SARDH: variants seen among roughly 807,000 people sequenced by gnomAD.
SARDH encodes sarcosine dehydrogenase, also known as sarcosine dehydrogenase, mitochondrial.
A neutral mutation model predicts 109.1 loss-of-function variants in SARDH; 95 were observed. That is an observed-to-expected ratio of 0.87 (90% CI 0.74 to 1.03). The LOEUF is 1.03. Among genes scored for constraint, SARDH ranks in the 50% least tolerant of loss-of-function variants. The pLI is 0.00. For synonymous variants in SARDH, 572 were observed against 534.8 expected (o/e 1.07, Z -0.96); for missense variants, 1,267 against 1,287.8 (o/e 0.98, Z 0.25).
rs150019686 is a variant in SARDH at position 133,699,206 on chromosome 9, C to T, written c.1669-2845G>A. 3.5e-3 allele frequency among the ~76,000 whole-genome samples: 534 copies of T among 151,898 alleles called. 6 individuals carry two copies. The highest frequency in any genetic ancestry group is 0.012 in the African/African-American group (504 of 41,440). On this transcript the variant is annotated intron_variant, in intron 13 of 20. Transcript: ENST00000439388. ...TACTAAAAATACAAAATTAGCTGGG[C>T]GTGGTGGTGCATGCCTGTAATCCCA... is the stretch of plus-strand genomic sequence containing the variant.
rs1049622398 is a variant in SARDH, at chr9:133,718,773, G to A, written c.1020+165C>T. 1.3e-6 allele frequency: 1 copy of A among 785,194 alleles called. No homozygotes were observed. The highest frequency in any genetic ancestry group is 2.4e-6 in the Non-Finnish European group (1 of 423,610). 48.6% of individuals were successfully genotyped at this position (785,194 alleles called of 1,614,324 possible). On this transcript the variant is annotated intron_variant, in intron 7 of 20. Transcript: ENST00000439388. This position sits in a 1 kb window ranked among gnomAD's most constrained non-coding sequence, Gnocchi z 4.2. ...ATTTGACTGCCTGCCAGGACCGTCA[G>A]GGTAAGAGCAAGATGGCTTTGAGCT...
At chr9:133,710,455 C>T (rs879285729) in intron 10 of SARDH, among the ~76,000 whole-genome samples, 18 of 152,246 alleles carry the variant, frequency 1.2e-4, no homozygotes, top group East Asian at 1.9e-4. Flanking sequence ...CACCCAGGGA[C>T]GGCTCAGGCT....
intron 14 of SARDH, among the ~76,000 whole-genome samples, chr9:133,694,700 T>C (rs1227635008): frequency 6.6e-6 from 1 of 152,232 alleles, no homozygotes; most frequent in Admixed American, 6.5e-5. Context: ...AGGGACAGGA[T>C]TCATGCCCCC....
intron 17 of SARDH, among the ~76,000 whole-genome samples, chr9:133,679,846 G>A (rs926789868): frequency 6.6e-6 from 1 of 152,220 alleles, no homozygotes; most frequent in Non-Finnish European, 1.5e-5. Flanking sequence ...GGCAGCGGCA[G>A]GCGCCCGCTC....
At chr9:133,663,001 C>T (rs1451028918), downstream of SARDH, among the ~76,000 whole-genome samples, 2 of 152,286 alleles carry the variant, frequency 1.3e-5, no homozygotes, top group East Asian at 1.9e-4. Flanking sequence ...CTCAAGGCAG[C>T]GTGCAGGGCA....
chr9:133,676,212 G>A (rs773036425), intron 17 of SARDH, among the ~76,000 whole-genome samples: 7 of 152,122 alleles, frequency 4.6e-5, no homozygotes, highest in Non-Finnish European at 8.8e-5. Flanking sequence ...AACACAACGC[G>A]GACAAAAACA....
chr9:133,677,698 C>T (rs559446182), intron 17 of SARDH, among the ~76,000 whole-genome samples: 1 of 152,238 alleles, frequency 6.6e-6, no homozygotes, highest in Non-Finnish European at 1.5e-5. Context: ...TCCTGCTTGG[C>T]CCTGGCTGGG....
At chr9:133,690,564 A>T (rs1449795464) in intron 15 of SARDH, 37 bp from the exon 16 acceptor site, 1 of 1,580,076 alleles carries the variant, frequency 6.3e-7, no homozygotes, top group Non-Finnish European at 8.6e-7. Flanking sequence ...GCAGGATTTC[A>T]GGGCCTGGGA....
At chr9:133,710,364 G>A (rs757455140) in intron 10 of SARDH, among the ~76,000 whole-genome samples, 1 of 152,240 alleles carries the variant, frequency 6.6e-6, no homozygotes, top group African/African-American at 2.4e-5. Flanking sequence ...CGCGCAGGGC[G>A]GCTGCCATGG....
chr9:133,670,855 C>T, intron 18 of SARDH, 103 bp from the exon 19 acceptor site: 2 of 1,403,804 alleles, frequency 1.4e-6, no homozygotes, highest in South Asian at 1.5e-5. Flanking sequence ...CAGCCCCTAG[C>T]CACACTCTCA....
intron 6 of SARDH, among the ~76,000 whole-genome samples, chr9:133,724,603 C>G (rs7848155): frequency 6.6e-6 from 1 of 152,096 alleles, no homozygotes; most frequent in African/African-American, 2.4e-5. Flanking sequence ...GAAAATAGTC[C>G]GACAGTTCGT....
downstream of SARDH, among the ~76,000 whole-genome samples, chr9:133,660,963 G>A (rs1168395991): frequency 2.6e-5 from 4 of 152,236 alleles, no homozygotes; most frequent in Non-Finnish European, 5.9e-5. Context: ...AGCACTTTGG[G>A]AGGCTGAGAT....
At position 133,671,628 on chromosome 9, in the gene SARDH, C is replaced by A. The variant is rs376698046; in HGVS notation, c.2233G>T (p.Val745Leu). 1.2e-6 allele frequency: 2 copies of A among 1,600,372 alleles called. No homozygotes were observed. Among genetic ancestry groups the A allele is most frequent in the Non-Finnish European group, 8.5e-7 (1 of 1,174,070 alleles). The part of the protein sequence containing the change: ...WELHIPKASC[V>L]PVYRAVMAAG... ...GCCATCACAGCCCGGTACACAGGCA[C>A]GCAGGACGCCTTTGGAATGTGCAGC... The change falls in exon 18 of 21, where the codon GTG (valine) becomes TTG (leucine). Residue 745 changes from valine (V) to leucine (L), a missense_variant. Physicochemically the swap from Val to Leu is conservative, Grantham distance 32 (BLOSUM62 1). Coordinates refer to ENST00000439388, the MANE Select transcript of SARDH (RefSeq NM_001134707.2).
Position 133,696,435 on chromosome 9 carries a change from C to T in SARDH, c.1669-74G>A, listed in dbSNP as rs896961908. 40 of 1,597,408 alleles carry T rather than the reference C, an allele frequency of 2.5e-5. No homozygotes were observed. The Middle Eastern group carries it at 5.0e-4, about 20-fold the overall frequency. On this transcript the variant is annotated intron_variant, in intron 13 of 20. Coordinates refer to ENST00000439388, the MANE Select transcript of SARDH (RefSeq NM_001134707.2). ...GCTTCTTCCTCAAGAACGTGGAGAA[C>T]GGGGGCTGTGTCCAACACACCTGTA...
At chr9:133,694,585 G>A (rs1446137338) in intron 14 of SARDH, among the ~76,000 whole-genome samples, 2 of 152,196 alleles carry the variant, frequency 1.3e-5, no homozygotes, top group Non-Finnish European at 2.9e-5. Flanking sequence ...GCCATGGGCA[G>A]GACATCCCAT....
At chr9:133,676,893 C>A (rs987392700) in intron 17 of SARDH, among the ~76,000 whole-genome samples, 2 of 152,230 alleles carry the variant, frequency 1.3e-5, no homozygotes, top group Non-Finnish European at 2.9e-5. Context: ...AATCCCAGCA[C>A]TTTGGGAGGC....
chr9:133,733,939 A>C lies in SARDH; in HGVS notation c.235T>G (p.Cys79Gly). Residue 79 changes from cysteine (C) to glycine (G), a missense_variant, in exon 2 of 21, where the codon TGC becomes GGC. Cys to Gly is a radical substitution (Grantham distance 159). Coordinates refer to ENST00000439388, the MANE Select transcript of SARDH (RefSeq NM_001134707.2). ...VVVIGGGSLG[C>G]QTLYHLAKLG... ...TTGGCCAGGTGGTACAGGGTCTGGC[A>C]GCCCAAGCTGCCTCCACCAATGACC... 1 of 1,599,218 alleles carries C rather than the reference A, an allele frequency of 6.3e-7. No individual in the cohort carries two copies. Among genetic ancestry groups the C allele is most frequent in the Non-Finnish European group, 8.5e-7 (1 of 1,172,442 alleles).
Position 133,666,430 on chromosome 9 carries a change from T to G in SARDH, c.2631+305A>C, listed in dbSNP as rs1283352304. Among the ~76,000 whole-genome samples, 1 of 152,206 alleles carries G rather than the reference T, an allele frequency of 6.6e-6. No individual in the cohort carries two copies. Among genetic ancestry groups the G allele is most frequent in the East Asian group, 1.9e-4 (1 of 5,186 alleles). On this transcript the variant is annotated intron_variant, in intron 20 of 20. Coordinates refer to ENST00000439388, the MANE Select transcript of SARDH (RefSeq NM_001134707.2). This position sits in a 1 kb window ranked among gnomAD's most constrained non-coding sequence, Gnocchi z 5.2. Reference sequence around the variant, plus strand: ...AGAAAACAGAGAGCAGCTTTGGCTCTGCCCAGGCACAGCTGGGGAGTCCTC... The same window carrying G: ...AGAAAACAGAGAGCAGCTTTGGCTCGGCCCAGGCACAGCTGGGGAGTCCTC...
At chr9:133,665,417 C>T (rs1830028968) in intron 20 of SARDH, among the ~76,000 whole-genome samples, 1 of 152,202 alleles carries the variant, frequency 6.6e-6, no homozygotes. Context: ...GGAGGCCCTG[C>T]CCACCGTGGG....
Sources: gnomAD v4.1 joint callset for allele counts (sites outside exome capture counted in the v4.1 genomes callset) on GRCh38, gnomAD v4.1.1 for gene constraint, Gnocchi (gnomAD v3.1) non-coding constraint, MANE v1.5 for transcripts, NCBI Gene and HGNC (gene_info 2026-07-23, HGNC 2026-07-21) for gene names.